Variants in JARID2 observed in about 807,000 individuals in gnomAD.
JARID2 encodes jumonji and AT-rich interaction domain containing 2.
JARID2 carries 21 observed loss-of-function variants against 125.6 expected under a neutral mutation model. The ratio of observed to expected loss-of-function variants is 0.17; its 90% CI spans 0.12 to 0.24. The LOEUF is 0.24. Among genes scored for constraint, JARID2 ranks in the 10% least tolerant of loss-of-function variants. The pLI is 1.00. For missense variants in JARID2, 1,303 were observed against 1,639.6 expected (o/e 0.79, Z 3.55); for synonymous variants, 736 against 661.6 (o/e 1.11, Z -1.73).
At chr6:15,341,357 TG>T (rs1212308876) in intron 1 of JARID2, among the ~76,000 whole-genome samples, 1 of 152,240 alleles carries the variant, frequency 6.6e-6, no homozygotes, top group Non-Finnish European at 1.5e-5. Context: ...TGATTTTACT[TG>T]GAAACAGCAA....
chr6:15,438,431 A>T (rs1272166677), intron 3 of JARID2, among the ~76,000 whole-genome samples: 1 of 149,906 alleles, frequency 6.7e-6, no homozygotes, highest in South Asian at 2.2e-4. Flanking sequence ...AGTGAGGGAG[A>T]TGTACGTACG....
intron 4 of JARID2, among the ~76,000 whole-genome samples, chr6:15,455,870 G>C (rs1449164224): frequency 1.3e-5 from 2 of 152,194 alleles, no homozygotes; most frequent in Non-Finnish European, 2.9e-5. Context: ...AACTAGTTTG[G>C]CTACTTTTGG....
chr6:15,376,089 A>C (rs992361117), intron 2 of JARID2, among the ~76,000 whole-genome samples: 1 of 152,214 alleles, frequency 6.6e-6, no homozygotes, highest in African/African-American at 2.4e-5. Flanking sequence ...GATGATACTG[A>C]GGAGAAAAAT....
chr6:15,264,278 G>A (rs770803665), intron 1 of JARID2, among the ~76,000 whole-genome samples: 5 of 152,134 alleles, frequency 3.3e-5, no homozygotes, highest in African/African-American at 1.2e-4. Flanking sequence ...CAGTGTGTCC[G>A]TCAGTATTTG....
At chr6:15,264,301 T>C (rs1259229219) in intron 1 of JARID2, among the ~76,000 whole-genome samples, 1 of 152,238 alleles carries the variant, frequency 6.6e-6, no homozygotes, top group Non-Finnish European at 1.5e-5. Context: ...ATCTTGTTTA[T>C]TACATAGTCC....
intron 15 of JARID2, 27 bp from the exon 16 acceptor site, chr6:15,513,212 G>A: frequency 6.4e-7 from 1 of 1,553,340 alleles, no homozygotes; most frequent in South Asian, 1.2e-5. Context: ...GTCACTAAAG[G>A]TGCGGGCCGT....
At chr6:15,309,734 G>A (rs1761952639) in intron 1 of JARID2, among the ~76,000 whole-genome samples, 1 of 152,008 alleles carries the variant, frequency 6.6e-6, no homozygotes, top group Non-Finnish European at 1.5e-5. Flanking sequence ...GTAGGCACAG[G>A]TGGGAGGGGC....
intron 2 of JARID2, among the ~76,000 whole-genome samples, chr6:15,389,078 G>A (rs988729814): frequency 1.3e-5 from 2 of 152,126 alleles, no homozygotes; most frequent in Non-Finnish European, 2.9e-5. Flanking sequence ...GCTTTCCATG[G>A]CTCTCAAAGT....
At chr6:15,479,562 T>C (rs1228459413) in intron 5 of JARID2, among the ~76,000 whole-genome samples, 2 of 152,254 alleles carry the variant, frequency 1.3e-5, no homozygotes, top group Non-Finnish European at 2.9e-5. Context: ...TGTGATTGGC[T>C]TTAAACATTC....
At chr6:15,246,707 T>G in intron 1 of JARID2, 123 bp downstream of exon 1, 1 of 897,488 alleles carries the variant, frequency 1.1e-6, no homozygotes. Context: ...GGCTGTTTCT[T>G]TTTTTTCTGA....
At chr6:15,429,787 C>CGA (rs973642289) in intron 3 of JARID2, among the ~76,000 whole-genome samples, 1 of 152,004 alleles carries the variant, frequency 6.6e-6, no homozygotes, top group Admixed American at 6.6e-5. Context: ...TCCGGCCCTG[C>CGA]GAGAGAGAGA....
At chr6:15,424,129 G>A (rs908091793) in intron 3 of JARID2, among the ~76,000 whole-genome samples, 1 of 145,192 alleles carries the variant, frequency 6.9e-6, no homozygotes, top group African/African-American at 2.6e-5. Context: ...ATCCCTGGCT[G>A]CCTCTTTTTT....
intron 1 of JARID2, among the ~76,000 whole-genome samples, chr6:15,273,844 G>A (rs1760392739): frequency 6.6e-6 from 1 of 152,006 alleles, no homozygotes; most frequent in Non-Finnish European, 1.5e-5. Context: ...CTAAAGATTG[G>A]TGTCATTCTT....
In JARID2 at chr6:15,419,925, T is replaced by G. The variant is rs1470317191; in HGVS notation, c.323+9560T>G. ...TACTATGGAAAAATTAGAGCCATTA[T>G]TATTTCAAATATTTTCGTGTGCATT... On this transcript the variant is annotated intron_variant, in intron 3 of 17. Transcript: ENST00000341776. Among the ~76,000 whole-genome samples the G allele has an allele frequency of 4.6e-5, 7 of 152,260 alleles. No homozygotes were observed. The East Asian group carries it at 1.3e-3, about 29-fold the overall frequency.
chr6:15,312,948 C>A (rs560915458), intron 1 of JARID2, among the ~76,000 whole-genome samples: 1 of 152,308 alleles, frequency 6.6e-6, no homozygotes, highest in African/African-American at 2.4e-5. Flanking sequence ...CTGACCCAAG[C>A]CTTGTTGTTC....
chr6:15,406,120 C>T (rs939888917), intron 2 of JARID2, among the ~76,000 whole-genome samples: 8 of 152,136 alleles, frequency 5.3e-5, no homozygotes, highest in Admixed American at 6.6e-5. Flanking sequence ...GTCAGTCTTG[C>T]GCCTTCGTAA....
intron 1 of JARID2, among the ~76,000 whole-genome samples, chr6:15,337,783 C>T (rs1342863273): frequency 1.3e-5 from 2 of 151,674 alleles, no homozygotes; most frequent in Admixed American, 6.6e-5. Context: ...AACGAAGGAA[C>T]GGCCCCTGCT....
At chr6:15,449,109 A>C (rs1767803987) in intron 3 of JARID2, among the ~76,000 whole-genome samples, 1 of 151,902 alleles carries the variant, frequency 6.6e-6, no homozygotes, top group East Asian at 1.9e-4. Flanking sequence ...CCCCCACTTC[A>C]TTGTCCCATG....
At chr6:15,399,810 T>C (rs2127553484) in intron 2 of JARID2, among the ~76,000 whole-genome samples, 1 of 152,336 alleles carries the variant, frequency 6.6e-6, no homozygotes, top group African/African-American at 2.4e-5. Flanking sequence ...TCTGGATGCA[T>C]CTGAGGAAAA....
Sources: gnomAD v4.1 joint callset for allele counts (sites outside exome capture counted in the v4.1 genomes callset) on GRCh38, gnomAD v4.1.1 for gene constraint, MANE v1.5 for transcripts, NCBI Gene and HGNC (gene_info 2026-07-23, HGNC 2026-07-21) for gene names.